The following PCLO variants were observed in gnomAD, a reference collection of about 807,000 sequenced individuals.
PCLO encodes piccolo presynaptic cytomatrix protein.
PCLO carries 82 observed loss-of-function variants against 427.5 expected under a neutral mutation model. The ratio of observed to expected loss-of-function variants is 0.19; its 90% CI spans 0.16 to 0.23. The LOEUF (loss-of-function observed/expected upper bound fraction) is 0.23. PCLO is among the 10% of genes least tolerant of loss of function. PCLO has a pLI of 1.00. For missense variants in PCLO, 6,239 were observed against 6,115.9 expected, an observed-to-expected ratio of 1.02 and a Z score of -0.67; for synonymous variants, 2,357 against 2,155.4, an observed-to-expected ratio of 1.09 and a Z score of -2.59.
chr7:83,136,145 C>T (rs1410274438), intron 2 of PCLO, among the ~76,000 whole-genome samples: 1 of 151,870 alleles, frequency 6.6e-6, no homozygotes, highest in Non-Finnish European at 1.5e-5. Flanking sequence ...CTAAAGTACC[C>T]TATATTAAGG....
At chr7:83,052,453 A>G (rs191348133) in intron 3 of PCLO, among the ~76,000 whole-genome samples, 3 of 152,084 alleles carry the variant, frequency 2.0e-5, no homozygotes, top group Admixed American at 6.6e-5. Flanking sequence ...CTTAACTTCC[A>G]TAAGACTACA....
intron 3 of PCLO, among the ~76,000 whole-genome samples, chr7:83,083,746 A>C (rs1790161123): frequency 6.6e-6 from 1 of 152,128 alleles, no homozygotes; most frequent in Non-Finnish European, 1.5e-5. Context: ...GGTTGCTGTC[A>C]TGACTTCAGA....
intron 21 of PCLO, among the ~76,000 whole-genome samples, chr7:82,802,314 A>G (rs1482757968): frequency 6.6e-6 from 1 of 152,176 alleles, no homozygotes; most frequent in African/African-American, 2.4e-5. Context: ...CCTGAGAAAT[A>G]ATAAGCATTC....
At chr7:82,864,267 A>C in intron 10 of PCLO, among the ~76,000 whole-genome samples, 1 of 152,268 alleles carries the variant, frequency 6.6e-6, no homozygotes, top group East Asian at 1.9e-4. Context: ...TGCCAAAGAG[A>C]ATACTAAATT....
At chr7:83,020,407 G>GA (rs397765837) in intron 3 of PCLO, among the ~76,000 whole-genome samples, 1 of 151,804 alleles carries the variant, frequency 6.6e-6, no homozygotes, top group Non-Finnish European at 1.5e-5. Context: ...TAAGAGGGGG[G>GA]GCCTTTGAGG....
At chr7:82,861,584 T>C (rs879423738) in intron 10 of PCLO, among the ~76,000 whole-genome samples, 1 of 151,616 alleles carries the variant, frequency 6.6e-6, no homozygotes, top group Non-Finnish European at 1.5e-5. Context: ...CAGCAGAAAA[T>C]CAGACAAAGA....
chr7:83,026,344 A>T (rs1788496677), intron 3 of PCLO, among the ~76,000 whole-genome samples: 2 of 151,892 alleles, frequency 1.3e-5, no homozygotes, highest in South Asian at 4.1e-4. Context: ...AACAAAGATC[A>T]AAAGAGACAA....
At chr7:82,862,563 C>T (rs57422674) in intron 10 of PCLO, among the ~76,000 whole-genome samples, 33,003 of 128,056 alleles carry the variant, frequency 0.26, 4,398 homozygotes, top group East Asian at 0.31. Flanking sequence ...CAAGACTCTG[C>T]CTCAAAAAAA....
chr7:82,812,759 A>T (rs1057488154), intron 20 of PCLO, among the ~76,000 whole-genome samples: 5 of 151,574 alleles, frequency 3.3e-5, no homozygotes, highest in African/African-American at 1.2e-4. Context: ...AAAAACATTC[A>T]ATTTTGAGCT....
intron 3 of PCLO, among the ~76,000 whole-genome samples, chr7:83,038,021 ATATATATATTTATATATT>A (rs1382788791): frequency 7.3e-5 from 4 of 55,092 alleles, no homozygotes; most frequent in African/African-American, 4.8e-4. Flanking sequence ...ATATATATAT[ATATATATATTTATATATT>A]TATATATATA....
chr7:82,993,287 A>G (rs1297581421), intron 3 of PCLO, among the ~76,000 whole-genome samples: 1 of 152,068 alleles, frequency 6.6e-6, no homozygotes, highest in East Asian at 1.9e-4. Flanking sequence ...AATATAAAAA[A>G]GTGAAAGATC....
intron 3 of PCLO, among the ~76,000 whole-genome samples, chr7:83,080,781 G>T (rs1371804488): frequency 6.6e-6 from 1 of 151,892 alleles, no homozygotes; most frequent in Non-Finnish European, 1.5e-5. Flanking sequence ...ATCTGTGGGG[G>T]GTACTTTCAA....
chr7:83,100,202 A>G (rs1334434247), intron 3 of PCLO, among the ~76,000 whole-genome samples: 1 of 152,130 alleles, frequency 6.6e-6, no homozygotes, highest in African/African-American at 2.4e-5. Flanking sequence ...ACACTTATAC[A>G]CTGTTGTTGT....
intron 3 of PCLO, among the ~76,000 whole-genome samples, chr7:83,044,638 T>C (rs1442804293): frequency 6.6e-6 from 1 of 152,056 alleles, no homozygotes; most frequent in African/African-American, 2.4e-5. Flanking sequence ...GGTTACATAA[T>C]GAAGCAAACA....
chr7:82,855,143 A>T (rs1417516303), intron 10 of PCLO, among the ~76,000 whole-genome samples: 2 of 152,200 alleles, frequency 1.3e-5, no homozygotes, highest in East Asian at 1.9e-4. Context: ...CAGTATTAAT[A>T]GTTAACAATA....
In PCLO at chr7:82,956,310, C is replaced by T; in HGVS notation, c.4643G>A (p.Gly1548Glu). ...AATGAAGTCCTCCTCTTCCCCTGAT[C>T]CTTGGCTGTCTTCCTGTTTATACTC... ...SDEYKQEDSQ[G>E]SGEEEDFIRK... Residue 1548 changes from glycine to glutamate, a missense_variant, in exon 5 of 25, where the codon GGA (glycine) becomes GAA (glutamate). This residue lies in a region of PCLO where 4,677 missense variants were observed against 4,468.4 expected (regional missense o/e 1.05). Transcript: ENST00000333891. The T allele has an allele frequency of 2.5e-6, 4 of 1,613,050 alleles. No homozygotes were observed. The highest frequency in any genetic ancestry group is 3.4e-6 in the Non-Finnish European group (4 of 1,179,880).
At chr7:83,020,960 A>G (rs1409938328) in intron 3 of PCLO, among the ~76,000 whole-genome samples, 2 of 152,172 alleles carry the variant, frequency 1.3e-5, no homozygotes, top group African/African-American at 4.8e-5. Flanking sequence ...CTCTATAGAT[A>G]ACAACTTGAG....
Position 83,004,537 on chromosome 7 carries a change from A to T in PCLO, c.3301-38050T>A, listed in dbSNP as rs1000791672. On this transcript the variant is annotated intron_variant, in intron 3 of 24. Transcript: ENST00000333891. ...CTCAAGATGGATTAAAGACTTAAAC[A>T]TAAAGTGTGAAACCATAAAAACCAT... 5.9e-5 allele frequency among the ~76,000 whole-genome samples: 9 copies of T among 151,648 alleles called. No individual in the cohort carries two copies. The East Asian group carries it at 1.7e-3, about 29-fold the overall frequency.
chr7:82,788,723 C>T (rs183778781), intron 22 of PCLO, among the ~76,000 whole-genome samples: 1 of 152,016 alleles, frequency 6.6e-6, no homozygotes, highest in African/African-American at 2.4e-5. Context: ...ACTGAGAGTG[C>T]TCCACACACA....
Sources: allele counts gnomAD v4.1 joint callset (sites outside exome capture counted in the v4.1 genomes callset), GRCh38; gene constraint gnomAD v4.1.1; regional missense constraint gnomAD v4.1.1; transcripts MANE v1.5; gene names NCBI Gene and HGNC (gene_info 2026-07-23, HGNC 2026-07-21).